Variants in SCFD2 observed in about 807,000 individuals in gnomAD.
SCFD2 encodes sec1 family domain containing 2, also known as sec1 family domain-containing protein 2.
In SCFD2, 54 loss-of-function variants were observed where a neutral mutation model predicts 58.9. That is an observed-to-expected ratio of 0.92 (90% CI 0.74 to 1.15). The LOEUF is 1.15. SCFD2 is among the 50% of genes most tolerant of loss of function. The pLI, the probability that SCFD2 is intolerant of heterozygous loss-of-function variation, is 0.00. For synonymous variants in SCFD2, 321 were observed against 335.9 expected, an observed-to-expected ratio of 0.96 and a Z score of 0.49; for missense variants, 805 against 836.6, an observed-to-expected ratio of 0.96 and a Z score of 0.47.
chr4:53,207,416 T>C (rs1728440851), intron 4 of SCFD2, among the ~76,000 whole-genome samples: 1 of 143,522 alleles, frequency 7.0e-6, no homozygotes, highest in Admixed American at 7.3e-5. Flanking sequence ...CCTTAGTGTC[T>C]GGAAAAGGTC....
At chr4:53,031,959 A>G (rs1722625847) in intron 5 of SCFD2, among the ~76,000 whole-genome samples, 1 of 152,226 alleles carries the variant, frequency 6.6e-6, no homozygotes, top group South Asian at 2.1e-4. Context: ...ATACTCCTAG[A>G]GAAGAGCAAC....
intron 4 of SCFD2, among the ~76,000 whole-genome samples, chr4:53,269,795 C>T (rs749921390): frequency 1.3e-5 from 2 of 152,156 alleles, no homozygotes; most frequent in African/African-American, 2.4e-5. Flanking sequence ...GAGGCCAAGG[C>T]GGGCAGATCA....
At chr4:53,162,020 T>C (rs1334363180) in intron 4 of SCFD2, among the ~76,000 whole-genome samples, 2 of 152,186 alleles carry the variant, frequency 1.3e-5, no homozygotes, top group Non-Finnish European at 2.9e-5. Flanking sequence ...AAAATATGCA[T>C]ACTTCTCCAG....
chr4:52,989,326 C>T (rs1050927750), intron 5 of SCFD2, among the ~76,000 whole-genome samples: 1 of 152,230 alleles, frequency 6.6e-6, no homozygotes, highest in African/African-American at 2.4e-5. Flanking sequence ...ATAAGACCAA[C>T]ATGCCACTAT....
At chr4:53,302,853 G>C (rs1185017065) in intron 3 of SCFD2, among the ~76,000 whole-genome samples, 1 of 152,136 alleles carries the variant, frequency 6.6e-6, no homozygotes, top group Non-Finnish European at 1.5e-5. Context: ...AATGGGGAAA[G>C]GATTCCCTAT....
intron 5 of SCFD2, among the ~76,000 whole-genome samples, chr4:52,960,455 G>A (rs1261191270): frequency 1.3e-5 from 2 of 149,114 alleles, no homozygotes; most frequent in African/African-American, 5.0e-5. Context: ...CACAACCTCC[G>A]CCTCCCGGGT....
At chr4:52,892,563 C>T (rs1718902387) in intron 7 of SCFD2, among the ~76,000 whole-genome samples, 1 of 152,192 alleles carries the variant, frequency 6.6e-6, no homozygotes, top group African/African-American at 2.4e-5. Context: ...CCTTCACTCA[C>T]CTCAATATAT....
intron 1 of SCFD2, among the ~76,000 whole-genome samples, chr4:53,356,317 T>A (rs1263185597): frequency 6.6e-6 from 1 of 152,230 alleles, no homozygotes; most frequent in Non-Finnish European, 1.5e-5. Flanking sequence ...TTCTGCCCTA[T>A]GCTATTTTAG....
intron 5 of SCFD2, among the ~76,000 whole-genome samples, chr4:53,123,091 C>T (rs1725527677): frequency 6.6e-6 from 1 of 152,130 alleles, no homozygotes; most frequent in Non-Finnish European, 1.5e-5. Flanking sequence ...TCTCTCCAGA[C>T]AAAATTTTCA....
intron 5 of SCFD2, among the ~76,000 whole-genome samples, chr4:53,128,172 A>G (rs757919952): frequency 6.6e-6 from 1 of 152,128 alleles, no homozygotes; most frequent in Non-Finnish European, 1.5e-5. Flanking sequence ...GAAAAAACGT[A>G]AAGATAATAC....
intron 4 of SCFD2, among the ~76,000 whole-genome samples, chr4:53,227,133 T>C (rs1205062311): frequency 6.6e-6 from 1 of 152,170 alleles, no homozygotes; most frequent in Non-Finnish European, 1.5e-5. Flanking sequence ...TGGCCTCTTA[T>C]CTGAGCATCA....
At chr4:53,276,961 A>C (rs369667971) in intron 3 of SCFD2, among the ~76,000 whole-genome samples, 4 of 152,142 alleles carry the variant, frequency 2.6e-5, no homozygotes, top group South Asian at 4.1e-4. Flanking sequence ...TTGCCATCCT[A>C]TATCTGTTTT....
At chr4:53,189,845 T>C (rs1043444302) in intron 4 of SCFD2, among the ~76,000 whole-genome samples, 5 of 152,204 alleles carry the variant, frequency 3.3e-5, no homozygotes, top group African/African-American at 7.2e-5. Context: ...CACCAGAATA[T>C]TGGCTACATC....
chr4:53,098,484 T>A (rs1724730305), intron 5 of SCFD2, among the ~76,000 whole-genome samples: 1 of 152,180 alleles, frequency 6.6e-6, no homozygotes, highest in Non-Finnish European at 1.5e-5. Flanking sequence ...TTCTTCTAGA[T>A]TTTGTAGTTT....
intron 5 of SCFD2, among the ~76,000 whole-genome samples, chr4:52,954,910 C>T (rs1720676097): frequency 6.6e-6 from 1 of 152,170 alleles, no homozygotes; most frequent in South Asian, 2.1e-4. Context: ...CGAGTACACA[C>T]TCCTCTTTCA....
intron 5 of SCFD2, among the ~76,000 whole-genome samples, chr4:52,936,597 G>C (rs546639897): frequency 2.7e-4 from 41 of 152,130 alleles, no homozygotes; most frequent in South Asian, 6.2e-4. Context: ...TCAGTTTTCA[G>C]TTCTCTCCTC....
chr4:53,116,165 T>C (rs1438819883), intron 5 of SCFD2, among the ~76,000 whole-genome samples: 1 of 152,212 alleles, frequency 6.6e-6, no homozygotes, highest in Non-Finnish European at 1.5e-5. Flanking sequence ...TTTTCATTTG[T>C]ATATGAACAT....
intron 5 of SCFD2, among the ~76,000 whole-genome samples, chr4:53,126,872 GA>G (rs903687358): frequency 2.7e-5 from 4 of 149,780 alleles, no homozygotes; most frequent in Admixed American, 1.3e-4. Flanking sequence ...AATCAGGTTG[GA>G]AAAAAAAACC....
chr4:53,208,088 C>T (rs1728492952), intron 4 of SCFD2, among the ~76,000 whole-genome samples: 2 of 151,976 alleles, frequency 1.3e-5, no homozygotes, highest in South Asian at 4.2e-4. Flanking sequence ...TCCTGAGTAG[C>T]TGGGACTACA....
Sources: gnomAD v4.1 joint callset for allele counts (sites outside exome capture counted in the v4.1 genomes callset) on GRCh38, gnomAD v4.1.1 for gene constraint, MANE v1.5 for transcripts, NCBI Gene and HGNC (gene_info 2026-07-23, HGNC 2026-07-21) for gene names.